Variants in FKBP5 observed in about 807,000 individuals in gnomAD.
FKBP5 encodes the protein FKBP prolyl isomerase 5, also known as peptidyl-prolyl cis-trans isomerase FKBP5.
FKBP5 carries 23 observed loss-of-function variants against 50.5 expected under a neutral mutation model. That is an observed-to-expected ratio of 0.46 (90% confidence interval 0.33 to 0.65). The LOEUF (loss-of-function observed/expected upper bound fraction) is 0.65, where lower values mean the gene tolerates loss of function less well. FKBP5 is among the 30% of genes least tolerant of loss of function. The pLI, the probability that FKBP5 is intolerant of heterozygous loss-of-function variation, is 0.02. For synonymous variants in FKBP5, 176 were observed against 190.6 expected (o/e 0.92, Z 0.63); for missense variants, 411 against 553.1 (o/e 0.74, Z 2.58).
chr6:35,707,337 C>G (rs1458967453), intron 2 of FKBP5, among the ~76,000 whole-genome samples: 2 of 151,180 alleles, frequency 1.3e-5, no homozygotes. Flanking sequence ...CTGCCTCAGC[C>G]TCCCGAGTAG....
intron 5 of FKBP5, among the ~76,000 whole-genome samples, chr6:35,604,330 T>A (rs765428620): frequency 4.6e-5 from 7 of 152,192 alleles, no homozygotes; most frequent in Non-Finnish European, 7.3e-5. Context: ...TTTTCTACTA[T>A]GATTTTATTC....
chr6:35,711,601 G>A (rs1766414630), intron 2 of FKBP5, among the ~76,000 whole-genome samples: 1 of 151,844 alleles, frequency 6.6e-6, no homozygotes, highest in African/African-American at 2.4e-5. Flanking sequence ...CTGGGCAACA[G>A]AGCAAGACTC....
chr6:35,670,439 T>C (rs1326077843), intron 1 of FKBP5, among the ~76,000 whole-genome samples: 1 of 152,102 alleles, frequency 6.6e-6, no homozygotes, highest in East Asian at 1.9e-4. Flanking sequence ...TTACATAAAG[T>C]GTATTAAATT....
intron 1 of FKBP5, among the ~76,000 whole-genome samples, chr6:35,647,977 C>T (rs987998112): frequency 1.3e-5 from 2 of 152,144 alleles, no homozygotes; most frequent in African/African-American, 4.8e-5. Flanking sequence ...AGATAGACTT[C>T]GGACATTTTG....
chr6:35,612,751 T>C (rs1241646025), intron 5 of FKBP5, among the ~76,000 whole-genome samples: 1 of 152,078 alleles, frequency 6.6e-6, no homozygotes. Context: ...AACCATCAGA[T>C]CTCGTGACAA....
chr6:35,684,572 T>A (rs1156858338), intron 1 of FKBP5, among the ~76,000 whole-genome samples: 1 of 152,218 alleles, frequency 6.6e-6, no homozygotes, highest in Non-Finnish European at 1.5e-5. Flanking sequence ...CAATTTTCAA[T>A]ATCTTTTGAC....
chr6:35,627,715 T>C (rs1431700899), intron 3 of FKBP5, among the ~76,000 whole-genome samples: 3 of 152,088 alleles, frequency 2.0e-5, no homozygotes, highest in Non-Finnish European at 4.4e-5. Context: ...AAGAAACCAC[T>C]GCAAAATCCA....
At position 35,597,348 on chromosome 6, in the gene FKBP5, T is replaced by C. The variant is rs752826756; in HGVS notation, c.565A>G (p.Thr189Ala). 1 of 1,614,182 alleles carries C rather than the reference T, an allele frequency of 6.2e-7. No individual in the cohort carries two copies. Among genetic ancestry groups the C allele is most frequent in the Non-Finnish European group, 8.5e-7 (1 of 1,180,028 alleles). The stretch of plus-strand genomic sequence containing the variant: ...TCGTGGTCTTCTCCTTCGCCCACAG[T>C]GAATGCCACATCTCTGCAGTCAAAC... ...RMFDCRDVAFTVGEGEDHDIP... is the reference protein window; with the variant it reads ...RMFDCRDVAFAVGEGEDHDIP... The change falls in exon 6 of 11, where the codon ACT (threonine) becomes GCT (alanine). Residue 189 changes from threonine to alanine, a missense_variant. Transcript: ENST00000357266.
In FKBP5 at chr6:35,714,566, C is replaced by T. The variant is rs1292696745; in HGVS notation, c.-20+5762G>A. Among the ~76,000 whole-genome samples, 10 of 151,764 alleles carry T rather than the reference C, an allele frequency of 6.6e-5. No individual in the cohort carries two copies. The East Asian group carries it at 2.0e-3, about 30-fold the overall frequency. ...GTGTGGTGGCTCACGCCTGTAATCACAGCACTTTGGGAGGCCAAGGTGGGC... is the reference window on the plus strand; with the variant it reads ...GTGTGGTGGCTCACGCCTGTAATCATAGCACTTTGGGAGGCCAAGGTGGGC... On this transcript the variant is annotated intron_variant, in intron 2 of 11. Coordinates refer to the FKBP5 transcript ENST00000536438.
At chr6:35,579,089 C>T (rs72913417) in intron 9 of FKBP5, among the ~76,000 whole-genome samples, 9,431 of 151,592 alleles carry the variant, frequency 0.062, 434 homozygotes, top group Admixed American at 0.11. Context: ...TAATAGCCAC[C>T]GCACCCCAGC....
intron 8 of FKBP5, chr6:35,580,705 AT>A (rs557262245): frequency 9.8e-4 from 250 of 255,280 alleles, no homozygotes; most frequent in Non-Finnish European, 1.4e-3. Context: ...AAGCCCAGCT[AT>A]TTTTTTTTGT....
At chr6:35,631,158 C>T (rs750074598) in intron 3 of FKBP5, among the ~76,000 whole-genome samples, 3 of 152,182 alleles carry the variant, frequency 2.0e-5, no homozygotes, top group South Asian at 2.1e-4. Flanking sequence ...GACAATACTA[C>T]GTGTTAATAA....
intron 2 of FKBP5, among the ~76,000 whole-genome samples, chr6:35,697,156 T>C (rs968658917): frequency 6.6e-6 from 1 of 152,196 alleles, no homozygotes; most frequent in African/African-American, 2.4e-5. Flanking sequence ...GCATTATTCA[T>C]GATAGCCAAA....
intron 6 of FKBP5, among the ~76,000 whole-genome samples, chr6:35,591,557 TG>T (rs1221511304): frequency 1.3e-5 from 2 of 152,024 alleles, no homozygotes; most frequent in Non-Finnish European, 2.9e-5. Context: ...TTTAATAAAA[TG>T]GCCATGATTT....
chr6:35,684,985 G>C (rs1765782385), intron 1 of FKBP5, among the ~76,000 whole-genome samples: 1 of 151,912 alleles, frequency 6.6e-6, no homozygotes. Flanking sequence ...AGGATCTCTT[G>C]AGCCTGGGAA....
chr6:35,630,206 G>C (rs1764113606), intron 3 of FKBP5, among the ~76,000 whole-genome samples: 1 of 151,838 alleles, frequency 6.6e-6, no homozygotes, highest in Non-Finnish European at 1.5e-5. Context: ...GCGAACACAA[G>C]CGCCAGTGCT....
chr6:35,630,904 T>C (rs776597740), intron 3 of FKBP5, among the ~76,000 whole-genome samples: 4 of 152,158 alleles, frequency 2.6e-5, no homozygotes, highest in East Asian at 1.9e-4. Flanking sequence ...AAAGGCAAGA[T>C]AGACTGGGAG....
At chr6:35,582,588 T>C (rs1277014825) in intron 8 of FKBP5, 1 of 878,700 alleles carries the variant, frequency 1.1e-6, no homozygotes, top group Non-Finnish European at 1.4e-6. Flanking sequence ...TGCTAACACC[T>C]TGATCTGGGA....
At chr6:35,699,589 G>A (rs1290865895) in intron 2 of FKBP5, among the ~76,000 whole-genome samples, 1 of 152,102 alleles carries the variant, frequency 6.6e-6, no homozygotes, top group Non-Finnish European at 1.5e-5. Flanking sequence ...TGAGCTTGAC[G>A]TCCATACTTT....
Sources: allele counts gnomAD v4.1 joint callset (sites outside exome capture counted in the v4.1 genomes callset), GRCh38; gene constraint gnomAD v4.1.1; transcripts MANE v1.5; gene names NCBI Gene and HGNC (gene_info 2026-07-23, HGNC 2026-07-21).